The following IMMT variants were observed in gnomAD, a reference collection of about 807,000 sequenced individuals.
The protein encoded by IMMT is MICOS complex subunit MIC60.
A neutral mutation model predicts 92.7 loss-of-function variants in IMMT; 40 were observed. The observed-to-expected ratio is 0.43, with a 90% CI of 0.34 to 0.56. The LOEUF is 0.56. IMMT is among the 20% of genes least tolerant of loss of function. The probability of loss-of-function intolerance (pLI) is 0.03; values close to 1 mark genes in which losing one functional copy is unlikely to be tolerated. For synonymous variants in IMMT, 322 were observed against 336.1 expected (o/e 0.96, Z 0.46); for missense variants, 831 against 912.1 (o/e 0.91, Z 1.14).
At chr2:86,166,427 C>T in intron 7 of IMMT, 81 bp downstream of exon 7, 2 of 1,320,722 alleles carry the variant, frequency 1.5e-6, no homozygotes, top group Non-Finnish European at 2.1e-6. Context: ...TTAAATATTA[C>T]ACTTCTCTCC....
chr2:86,173,351 C>T (rs887524711), intron 4 of IMMT, among the ~76,000 whole-genome samples: 3 of 152,126 alleles, frequency 2.0e-5, no homozygotes, highest in African/African-American at 7.2e-5. Context: ...GAGGCCGAGG[C>T]GGGCAGATCA....
chr2:86,168,644 T>C (rs1031309580), intron 6 of IMMT, among the ~76,000 whole-genome samples: 10 of 151,326 alleles, frequency 6.6e-5, no homozygotes, highest in African/African-American at 2.4e-4. Context: ...ATTAAATAAA[T>C]GATATCACAT....
chr2:86,193,407 C>CAAAAA (rs11412841), intron 1 of IMMT, among the ~76,000 whole-genome samples: 190 of 137,848 alleles, frequency 1.4e-3, no homozygotes, highest in African/African-American at 5.1e-3. Context: ...ACTCCGTATC[C>CAAAAA]AAAAAAAAAA....
intron 10 of IMMT, among the ~76,000 whole-genome samples, chr2:86,158,029 G>A (rs1205912503): frequency 6.6e-6 from 1 of 152,140 alleles, no homozygotes; most frequent in East Asian, 1.9e-4. Flanking sequence ...GAACTTCAGG[G>A]AAATGTGACT....
intron 1 of IMMT, among the ~76,000 whole-genome samples, chr2:86,186,303 T>C (rs1400202417): frequency 2.0e-5 from 3 of 152,100 alleles, no homozygotes; most frequent in African/African-American, 7.2e-5. Flanking sequence ...GGGATGTCAG[T>C]TGGGTCCAGA....
chr2:86,184,947 G>A (rs1672659220), intron 1 of IMMT, among the ~76,000 whole-genome samples: 1 of 152,186 alleles, frequency 6.6e-6, no homozygotes, highest in Non-Finnish European at 1.5e-5. Flanking sequence ...CCAGCACTTT[G>A]GGAGGCCGAA....
At chr2:86,180,264 CT>C (rs1389276957) in intron 2 of IMMT, among the ~76,000 whole-genome samples, 1 of 151,668 alleles carries the variant, frequency 6.6e-6, no homozygotes. Flanking sequence ...ACAATAAACT[CT>C]TTTTTTTATT....
chr2:86,161,512 CTTTT>C (rs35243118), intron 8 of IMMT, among the ~76,000 whole-genome samples: 10 of 108,440 alleles, frequency 9.2e-5, no homozygotes, highest in Admixed American at 1.0e-4. Context: ...GTACAAATTC[CTTTT>C]TTTTTTTTTT....
chr2:86,181,394 C>A (rs769510758), intron 1 of IMMT, 22 bp from the exon 2 acceptor site: 1 of 1,563,104 alleles, frequency 6.4e-7, no homozygotes, highest in Non-Finnish European at 8.8e-7. Flanking sequence ...AAACACATCA[C>A]AACCAATACA....
At chr2:86,175,758 T>C (rs1677391339) in intron 3 of IMMT, among the ~76,000 whole-genome samples, 1 of 151,676 alleles carries the variant, frequency 6.6e-6, no homozygotes. Flanking sequence ...CTAACTGCTA[T>C]TGTAATTCAG....
chr2:86,151,492 G>T lies in IMMT; in HGVS notation c.1206C>A (p.Asn402Lys). Residue 402 changes from asparagine to lysine, a missense_variant, in exon 12 of 15, where the codon AAC (asparagine) becomes AAA (lysine). Physicochemically the swap from Asn to Lys is moderately conservative, Grantham distance 94 (BLOSUM62 0). Coordinates refer to ENST00000410111, the MANE Select transcript of IMMT (RefSeq NM_006839.3). ...LADKLSTDDL[N>K]SLIAHAHRRI... ...GACGATGTGCATGAGCAATGAGGGA[G>T]TTCAGATCATCAGTAGAGAGCTTGT... 6.2e-7 allele frequency: 1 copy of T among 1,613,912 alleles called. No homozygotes were observed. Among genetic ancestry groups the T allele is most frequent in the Admixed American group, 1.7e-5 (1 of 60,018 alleles).
intron 6 of IMMT, among the ~76,000 whole-genome samples, chr2:86,167,166 ACAC>A (rs1157624265): frequency 1.4e-5 from 2 of 145,952 alleles, no homozygotes; most frequent in Non-Finnish European, 3.0e-5. Flanking sequence ...AAGCTTTATT[ACAC>A]TTCTTTTTTT....
At chr2:86,153,340 C>CACACACA (rs1244774923) in intron 11 of IMMT, among the ~76,000 whole-genome samples, 1 of 148,146 alleles carries the variant, frequency 6.8e-6, no homozygotes, top group African/African-American at 2.4e-5. Context: ...CACACACACA[C>CACACACA]ACTTCACATC....
chr2:86,166,341 C>G (rs959461798), intron 7 of IMMT, among the ~76,000 whole-genome samples, 167 bp downstream of exon 7: 2 of 152,018 alleles, frequency 1.3e-5, no homozygotes, highest in Non-Finnish European at 2.9e-5. Context: ...AAAACAATAA[C>G]AAAAAAAGAT....
intron 1 of IMMT, among the ~76,000 whole-genome samples, chr2:86,188,970 A>C (rs1672960714): frequency 6.6e-6 from 1 of 152,182 alleles, no homozygotes; most frequent in Admixed American, 6.5e-5. Flanking sequence ...ATAGTTAAGA[A>C]ACCATTGCCA....
chr2:86,164,019 A>C (rs1676482391), intron 7 of IMMT, among the ~76,000 whole-genome samples: 2 of 148,564 alleles, frequency 1.3e-5, no homozygotes, highest in Non-Finnish European at 3.0e-5. Flanking sequence ...GCGAAAAATA[A>C]AGTTGATGTT....
intron 3 of IMMT, 86 bp downstream of exon 3, chr2:86,179,347 A>C: frequency 8.6e-7 from 1 of 1,166,012 alleles, no homozygotes; most frequent in South Asian, 1.7e-5. Flanking sequence ...CAAGAATACC[A>C]AAAGACAACT....
intron 2 of IMMT, among the ~76,000 whole-genome samples, chr2:86,180,705 G>A (rs990958911): frequency 6.6e-6 from 1 of 150,846 alleles, no homozygotes; most frequent in African/African-American, 2.4e-5. Context: ...TGGCCAACAT[G>A]GTGAAACCCC....
chr2:86,166,546 G>A lies in IMMT; in HGVS notation c.754C>T (p.His252Tyr). ...ATGGCGGCTTTCAATATGTTGGAGTGTGCATTGACAGCCTGGACCGCAGCA... is the reference window on the plus strand; with the variant it reads ...ATGGCGGCTTTCAATATGTTGGAGTATGCATTGACAGCCTGGACCGCAGCA... ...QNAAVQAVNA[H>Y]SNILKAAMDN... The change falls in exon 7 of 15, where the codon CAC (histidine) becomes TAC (tyrosine). Residue 252 changes from histidine (H) to tyrosine (Y), a missense_variant. Physicochemically the swap from His to Tyr is moderately conservative, Grantham distance 83. Transcript: ENST00000410111. The A allele has an allele frequency of 6.2e-7, 1 of 1,612,916 alleles. No individual in the cohort carries two copies. The highest frequency in any genetic ancestry group is 8.5e-7 in the Non-Finnish European group (1 of 1,179,740).
Sources: allele counts gnomAD v4.1 joint callset (sites outside exome capture counted in the v4.1 genomes callset), GRCh38; gene constraint gnomAD v4.1.1; transcripts MANE v1.5; gene names NCBI Gene and HGNC (gene_info 2026-07-23, HGNC 2026-07-21).